TRMT11: variants seen among roughly 807,000 people sequenced by gnomAD.
TRMT11 encodes tRNA (guanine(10)-N(2))-methyltransferase TRMT11.
TRMT11 carries 53 observed loss-of-function variants against 62.8 expected under a neutral mutation model. The observed-to-expected ratio is 0.84, with a 90% CI of 0.68 to 1.06. The LOEUF is 1.06. Among genes scored for constraint, TRMT11 ranks in the 50% least tolerant of loss-of-function variants. The pLI is 0.00. For missense variants in TRMT11, 556 were observed against 553.4 expected (o/e 1.00, Z -0.05); for synonymous variants, 188 against 190.3 (o/e 0.99, Z 0.10).
chr6:126,241,638 A>T, the TRMT11 span, among the ~76,000 whole-genome samples: 3 of 152,258 alleles, frequency 2.0e-5, no homozygotes, highest in African/African-American at 7.2e-5. Context: ...AGCTGGTTCA[A>T]CATATGCAAA....
chr6:126,088,900 C>T (rs1233229610), intron 17 of TRMT11, among the ~76,000 whole-genome samples: 7 of 152,154 alleles, frequency 4.6e-5, no homozygotes, highest in Non-Finnish European at 8.8e-5. Flanking sequence ...AAACCTACAT[C>T]ACTTTTTATA....
At chr6:126,175,513 T>A (rs996034884), upstream of TRMT11, among the ~76,000 whole-genome samples, 4 of 152,198 alleles carry the variant, frequency 2.6e-5, no homozygotes, top group Non-Finnish European at 5.9e-5. Context: ...CTGATTTAGC[T>A]GATTGCTAGG....
At chr6:126,199,158 A>G (rs775513344) in intron 2 of TRMT11, among the ~76,000 whole-genome samples, 2 of 152,238 alleles carry the variant, frequency 1.3e-5, no homozygotes, top group Admixed American at 6.5e-5. Flanking sequence ...AAAAGTTTCT[A>G]TAACAGCTGT....
At chr6:125,987,606 G>T (rs2326214) in intron 1 of TRMT11, among the ~76,000 whole-genome samples, 76 of 152,088 alleles carry the variant, frequency 5.0e-4, no homozygotes, top group Middle Eastern at 3.4e-3. Flanking sequence ...AGGAGTCTGT[G>T]GGAATAGTCT....
chr6:126,013,607 CAG>C (rs1489536217), intron 11 of TRMT11, among the ~76,000 whole-genome samples: 2 of 152,110 alleles, frequency 1.3e-5, no homozygotes, highest in Non-Finnish European at 2.9e-5. Context: ...TATTTTATAT[CAG>C]GGGTTGGCAA....
chr6:126,069,855 G>GTTTTTTTTTTTT, intron 17 of TRMT11, among the ~76,000 whole-genome samples: 1 of 134,984 alleles, frequency 7.4e-6, no homozygotes, highest in Non-Finnish European at 1.6e-5. Context: ...GTAGATGAAG[G>GTTTTTTTTTTTT]TTTTTTTTTT....
At chr6:126,116,383 T>C (rs1374030860) in intron 21 of TRMT11, among the ~76,000 whole-genome samples, 1 of 152,104 alleles carries the variant, frequency 6.6e-6, no homozygotes, top group Admixed American at 6.6e-5. Flanking sequence ...CTGAGAGTAT[T>C]AATCAGAGAT....
the TRMT11 span, among the ~76,000 whole-genome samples, chr6:126,269,844 G>A: frequency 6.6e-6 from 1 of 152,144 alleles, no homozygotes; most frequent in Non-Finnish European, 1.5e-5. Context: ...GAGGAATAAG[G>A]AAACAAATAT....
the TRMT11 span, among the ~76,000 whole-genome samples, chr6:126,266,753 C>T: frequency 6.6e-6 from 1 of 152,126 alleles, no homozygotes; most frequent in Non-Finnish European, 1.5e-5. Flanking sequence ...TCAACTGTTT[C>T]CAGGGATTTC....
chr6:126,183,602 G>T (rs1398229548), intron 1 of TRMT11, among the ~76,000 whole-genome samples: 2 of 152,128 alleles, frequency 1.3e-5, no homozygotes, highest in East Asian at 1.9e-4. Flanking sequence ...TGCTGGGGGA[G>T]TTTATTGCTG....
At chr6:126,060,751 C>T (rs1776512985) in intron 17 of TRMT11, among the ~76,000 whole-genome samples, 2 of 152,220 alleles carry the variant, frequency 1.3e-5, no homozygotes, top group Admixed American at 6.5e-5. Context: ...TCCCCCAACC[C>T]TGATGACAGA....
intron 1 of TRMT11, among the ~76,000 whole-genome samples, chr6:126,195,565 G>A (rs1360018835): frequency 1.3e-5 from 2 of 152,102 alleles, no homozygotes; most frequent in African/African-American, 2.4e-5. Flanking sequence ...TGTATTTCTG[G>A]AAACATTGTT....
At chr6:126,178,555 T>C (rs1778417407) in intron 1 of TRMT11, among the ~76,000 whole-genome samples, 1 of 152,248 alleles carries the variant, frequency 6.6e-6, no homozygotes, top group South Asian at 2.1e-4. Flanking sequence ...GTTACTTTTA[T>C]TCTGTTTATG....
chr6:126,260,429 A>C, the TRMT11 span, among the ~76,000 whole-genome samples: 4 of 152,266 alleles, frequency 2.6e-5, no homozygotes, highest in East Asian at 5.8e-4. Context: ...CTTTTACTTC[A>C]AACCTTTATA....
intron 1 of TRMT11, among the ~76,000 whole-genome samples, chr6:126,197,634 A>G (rs1778681705): frequency 6.6e-6 from 1 of 152,182 alleles, no homozygotes; most frequent in Admixed American, 6.5e-5. Context: ...TACATTATAT[A>G]TCTGCATTGT....
intron 11 of TRMT11, among the ~76,000 whole-genome samples, chr6:126,013,343 A>T (rs1449161587): frequency 6.6e-6 from 1 of 151,808 alleles, no homozygotes; most frequent in African/African-American, 2.4e-5. Flanking sequence ...TGCAGCGTTG[A>T]CCTCCCAGGC....
At chr6:126,147,208 A>T (rs1562333567) in intron 21 of TRMT11, among the ~76,000 whole-genome samples, 2 of 152,266 alleles carry the variant, frequency 1.3e-5, no homozygotes, top group South Asian at 4.2e-4. Flanking sequence ...ATAACAAAAG[A>T]CTATAGAGTT....
chr6:126,144,470 T>TA (rs1777953125), intron 21 of TRMT11, among the ~76,000 whole-genome samples: 1 of 152,182 alleles, frequency 6.6e-6, no homozygotes, highest in South Asian at 2.1e-4. Context: ...TTATGTGAGT[T>TA]ACTTAGAACC....
At chr6:126,267,938 T>C in the TRMT11 span, among the ~76,000 whole-genome samples, 1 of 151,874 alleles carries the variant, frequency 6.6e-6, no homozygotes, top group Non-Finnish European at 1.5e-5. Flanking sequence ...AATAATCTCT[T>C]ACTCTGAGAG....
Sources: allele counts gnomAD v4.1 joint callset (sites outside exome capture counted in the v4.1 genomes callset), GRCh38; gene constraint gnomAD v4.1.1; transcripts MANE v1.5; gene names NCBI Gene and HGNC (gene_info 2026-07-23, HGNC 2026-07-21).